Variants in DPYD observed in about 807,000 individuals in gnomAD.
DPYD encodes the protein dihydropyrimidine dehydrogenase.
DPYD carries 109 observed loss-of-function variants against 116.2 expected under a neutral mutation model. The ratio of observed to expected loss-of-function variants is 0.94; its 90% CI spans 0.80 to 1.10. The LOEUF is 1.10. Among genes scored for constraint, DPYD ranks in the 50% least tolerant of loss-of-function variants. DPYD has a pLI of 0.00. For missense variants in DPYD, 1,302 were observed against 1,254.5 expected (o/e 1.04, Z -0.57); for synonymous variants, 440 against 432.0 (o/e 1.02, Z -0.23).
chr1:97,852,972 C>G (rs543446945), intron 2 of DPYD, among the ~76,000 whole-genome samples: 1 of 152,250 alleles, frequency 6.6e-6, no homozygotes, highest in African/African-American at 2.4e-5. Flanking sequence ...TATCCAAACC[C>G]CTTTGTATCA....
intron 3 of DPYD, among the ~76,000 whole-genome samples, chr1:97,784,506 T>C (rs953724999): frequency 1.3e-5 from 2 of 152,194 alleles, no homozygotes; most frequent in African/African-American, 4.8e-5. Context: ...CTAAACTATC[T>C]TTCTGAAGAA....
intron 16 of DPYD, among the ~76,000 whole-genome samples, chr1:97,364,663 C>G (rs191893942): frequency 3.0e-4 from 45 of 152,038 alleles, no homozygotes; most frequent in African/African-American, 1.1e-3. Flanking sequence ...TAAACAATGT[C>G]AAGAGAGACT....
intron 20 of DPYD, among the ~76,000 whole-genome samples, chr1:97,148,251 T>TG (rs1409648645): frequency 3.2e-4 from 24 of 74,462 alleles, no homozygotes; most frequent in Non-Finnish European, 5.4e-4. Context: ...TGTGTGTGTG[T>TG]GTGGGGGGGG....
At chr1:97,792,660 A>G (rs1276410317) in intron 3 of DPYD, among the ~76,000 whole-genome samples, 1 of 152,210 alleles carries the variant, frequency 6.6e-6, no homozygotes, top group Non-Finnish European at 1.5e-5. Flanking sequence ...TCCACTTTAC[A>G]GATGATGAAA....
intron 13 of DPYD, among the ~76,000 whole-genome samples, chr1:97,497,368 T>C (rs1021817235): frequency 1.3e-5 from 2 of 151,894 alleles, no homozygotes; most frequent in African/African-American, 2.4e-5. Flanking sequence ...TCTTTGGAAG[T>C]TGCCTGTAAC....
intron 20 of DPYD, among the ~76,000 whole-genome samples, chr1:97,100,602 T>C (rs1329250277): frequency 6.6e-6 from 1 of 152,086 alleles, no homozygotes; most frequent in Non-Finnish European, 1.5e-5. Context: ...CAACATCATC[T>C]AATTTCACCT....
chr1:97,820,720 G>C (rs1405509145), intron 3 of DPYD, among the ~76,000 whole-genome samples: 1 of 152,132 alleles, frequency 6.6e-6, no homozygotes, highest in Admixed American at 6.5e-5. Context: ...TGTACTGGTA[G>C]TTCATCTTTA....
intron 4 of DPYD, among the ~76,000 whole-genome samples, chr1:97,726,581 A>C (rs1238996279): frequency 6.6e-6 from 1 of 151,590 alleles, no homozygotes; most frequent in African/African-American, 2.4e-5. Context: ...ATTCATTAAC[A>C]AATATTTGAC....
chr1:97,861,363 T>A (rs953901944), intron 2 of DPYD, among the ~76,000 whole-genome samples: 2 of 151,866 alleles, frequency 1.3e-5, no homozygotes, highest in African/African-American at 4.8e-5. Flanking sequence ...AATGTCATTT[T>A]GAGATATAAC....
chr1:97,278,148 T>C (rs564917073), intron 18 of DPYD, among the ~76,000 whole-genome samples: 91 of 152,340 alleles, frequency 6.0e-4, no homozygotes, highest in Admixed American at 1.6e-3. Context: ...GAATTTCTCT[T>C]GATTGCAGCT....
chr1:97,440,203 G>A (rs1675694361), intron 14 of DPYD, among the ~76,000 whole-genome samples: 1 of 150,740 alleles, frequency 6.6e-6, no homozygotes, highest in South Asian at 2.1e-4. Context: ...GGCAAAAGTT[G>A]TGGTGAGCCA....
intron 8 of DPYD, among the ~76,000 whole-genome samples, chr1:97,657,579 T>A (rs1256365302): frequency 1.3e-5 from 2 of 152,192 alleles, no homozygotes; most frequent in East Asian, 3.9e-4. Context: ...CATTACTGAC[T>A]AAGCAACTGG....
At chr1:97,290,214 T>C (rs570210940) in intron 18 of DPYD, among the ~76,000 whole-genome samples, 3 of 152,318 alleles carry the variant, frequency 2.0e-5, no homozygotes, top group East Asian at 1.9e-4. Context: ...GAACATTCCA[T>C]GCTCATGGGT....
At chr1:97,153,708 G>A (rs1655202122) in intron 20 of DPYD, among the ~76,000 whole-genome samples, 1 of 152,084 alleles carries the variant, frequency 6.6e-6, no homozygotes, top group Non-Finnish European at 1.5e-5. Flanking sequence ...AGAGTTAACA[G>A]ACAACCCACA....
At chr1:97,718,483 AT>A (rs1323794210) in intron 5 of DPYD, among the ~76,000 whole-genome samples, 1 of 151,998 alleles carries the variant, frequency 6.6e-6, no homozygotes, top group East Asian at 1.9e-4. Flanking sequence ...AATAAATTTT[AT>A]ATTTAGATGT....
chr1:97,886,577 A>C (rs1003368390), intron 1 of DPYD, among the ~76,000 whole-genome samples: 26 of 152,048 alleles, frequency 1.7e-4, no homozygotes, highest in Non-Finnish European at 3.2e-4. Flanking sequence ...GCAGAAATTT[A>C]ACTCTGAGAG....
In DPYD at chr1:97,534,610, T is replaced by C. The variant is rs1649861215; in HGVS notation, c.1524+14950A>G. ...TCTTTTCTTTATCTCTTTGAGGATA[T>C]TTAACAATTTTTACAACATTTTCAG... On this transcript the variant is annotated intron_variant, in intron 12 of 22. Coordinates refer to ENST00000370192, the MANE Select transcript of DPYD (RefSeq NM_000110.4). Among the ~76,000 whole-genome samples, 3 of 152,130 alleles carry C rather than the reference T, an allele frequency of 2.0e-5. No individual in the cohort carries two copies. The South Asian group carries it at 6.2e-4, about 31-fold the overall frequency.
At chr1:97,141,909 G>A (rs76528513) in intron 20 of DPYD, among the ~76,000 whole-genome samples, 1,601 of 152,154 alleles carry the variant, frequency 0.011, 25 homozygotes, top group African/African-American at 0.036. Flanking sequence ...CCAAGTAGCC[G>A]CAGTACATAT....
intron 13 of DPYD, among the ~76,000 whole-genome samples, chr1:97,480,140 C>A (rs1373659037): frequency 1.3e-5 from 2 of 151,890 alleles, no homozygotes; most frequent in African/African-American, 4.8e-5. Context: ...TTTTTTTACT[C>A]TAGAAATTTT....
Sources: allele counts gnomAD v4.1 joint callset (sites outside exome capture counted in the v4.1 genomes callset), GRCh38; gene constraint gnomAD v4.1.1; transcripts MANE v1.5; gene names NCBI Gene and HGNC (gene_info 2026-07-23, HGNC 2026-07-21).